The following WDPCP variants were observed in gnomAD, a reference collection of about 807,000 sequenced individuals.
WDPCP encodes the protein WD repeat containing planar cell polarity effector, also known as WD repeat-containing and planar cell polarity effector protein fritz homolog.
A neutral mutation model predicts 93.1 loss-of-function variants in WDPCP; 71 were observed. The observed-to-expected ratio is 0.76, with a 90% CI of 0.63 to 0.93. The LOEUF (loss-of-function observed/expected upper bound fraction) is 0.93. WDPCP is among the 40% of genes least tolerant of loss of function. The pLI is 0.00. For synonymous variants in WDPCP, 315 were observed against 315.0 expected (o/e 1.00, Z 0.00); for missense variants, 844 against 887.4 (o/e 0.95, Z 0.62).
chr2:63,162,039 G>C (rs1052644123), intron 15 of WDPCP, among the ~76,000 whole-genome samples: 1 of 152,084 alleles, frequency 6.6e-6, no homozygotes, highest in Non-Finnish European at 1.5e-5. Flanking sequence ...CAAAATGCTG[G>C]GATTACTGGC....
intron 3 of WDPCP, chr2:63,622,916 G>T: frequency 8.7e-7 from 1 of 1,155,446 alleles, no homozygotes; most frequent in Non-Finnish European, 1.2e-6. Flanking sequence ...CCAGGCCGGG[G>T]CTCGGCGCAC....
At chr2:63,714,364 G>T (rs1313605896) in intron 2 of WDPCP, among the ~76,000 whole-genome samples, 2 of 151,968 alleles carry the variant, frequency 1.3e-5, no homozygotes, top group Non-Finnish European at 2.9e-5. Context: ...CACCGCGCCT[G>T]GCCTTCCTTT....
At chr2:63,633,279 A>G (rs922516167) in intron 3 of WDPCP, among the ~76,000 whole-genome samples, 4 of 152,222 alleles carry the variant, frequency 2.6e-5, no homozygotes, top group African/African-American at 9.6e-5. Context: ...AAAACATAAG[A>G]AAGTATGAAA....
At chr2:63,327,605 T>C (rs4671484) in intron 12 of WDPCP, among the ~76,000 whole-genome samples, 121,826 of 152,102 alleles carry the variant, frequency 0.8, 49,660 homozygotes, top group East Asian at 0.96. Flanking sequence ...GTTGCTTTTA[T>C]ACTAACCAGT....
Position 63,549,435 on chromosome 2 carries a change from GA to G in WDPCP, c.75+38761del, listed in dbSNP as rs202082514. Among the ~76,000 whole-genome samples, 7 of 151,276 alleles carry G rather than the reference GA, an allele frequency of 4.6e-5. No homozygotes were observed. In the East Asian group the frequency reaches 5.8e-4, roughly 13 times the overall value. On this transcript the variant is annotated intron_variant, in intron 1 of 17. Coordinates refer to ENST00000272321, the MANE Select transcript of WDPCP (RefSeq NM_015910.7). Reference sequence around the variant, plus strand: ...CTGTTTTATACTGTAATGGAAACTAGAAAAAAAAATTACCAAGTCATTAGCA... The same window carrying G: ...CTGTTTTATACTGTAATGGAAACTAGAAAAAAAATTACCAAGTCATTAGCA...
intron 1 of WDPCP, among the ~76,000 whole-genome samples, chr2:63,545,216 T>C (rs1705053273): frequency 6.6e-6 from 1 of 151,988 alleles, no homozygotes; most frequent in Non-Finnish European, 1.5e-5. Context: ...ACCTCCAGTG[T>C]TGAAAGCCAG....
chr2:63,461,566 T>G (rs1008872703), intron 6 of WDPCP, among the ~76,000 whole-genome samples: 1 of 152,160 alleles, frequency 6.6e-6, no homozygotes, highest in Non-Finnish European at 1.5e-5. Context: ...TTTATAGCAA[T>G]GCAAGAACGG....
At chr2:63,795,499 CAA>C (rs201653047) in intron 2 of WDPCP, among the ~76,000 whole-genome samples, 2 of 82,436 alleles carry the variant, frequency 2.4e-5, no homozygotes. Flanking sequence ...GACCCTGTCT[CAA>C]AAAAAAAAAG....
chr2:63,664,852 G>A (rs1365237206), intron 2 of WDPCP, among the ~76,000 whole-genome samples: 1 of 152,186 alleles, frequency 6.6e-6, no homozygotes, highest in Admixed American at 6.5e-5. Flanking sequence ...TGGTTTGCAT[G>A]TAGGGAAACT....
chr2:63,299,204 C>A (rs1382773866), intron 13 of WDPCP, among the ~76,000 whole-genome samples: 1 of 152,220 alleles, frequency 6.6e-6, no homozygotes, highest in East Asian at 1.9e-4. Context: ...GACAGCCCAG[C>A]TGTCAGTGCA....
intron 3 of WDPCP, among the ~76,000 whole-genome samples, chr2:63,637,284 G>A (rs753207102): frequency 6.6e-6 from 1 of 151,806 alleles, no homozygotes; most frequent in African/African-American, 2.4e-5. Flanking sequence ...CCTGGGAGAT[G>A]GGGGTTGCAG....
chr2:63,122,068 C>T lies in WDPCP; in HGVS notation c.2191-12G>A. 1 of 1,587,392 alleles carries T rather than the reference C, an allele frequency of 6.3e-7. No homozygotes were observed. Among genetic ancestry groups the T allele is most frequent in the Non-Finnish European group, 8.6e-7 (1 of 1,156,426 alleles). On this transcript the variant is annotated splice_polypyrimidine_tract_variant and intron_variant, in intron 17 of 17. Coordinates refer to ENST00000272321, the MANE Select transcript of WDPCP (RefSeq NM_015910.7). Reference sequence around the variant, plus strand: ...CCATCTCTGATTTCCTGCAAATAAACAAATAAAAATAATGTTTAAGCAGAG... The same window carrying T: ...CCATCTCTGATTTCCTGCAAATAAATAAATAAAAATAATGTTTAAGCAGAG...
At chr2:63,714,081 G>A (rs1343454281) in intron 2 of WDPCP, among the ~76,000 whole-genome samples, 19 of 146,888 alleles carry the variant, frequency 1.3e-4, no homozygotes, top group Admixed American at 1.3e-3. Flanking sequence ...TTGAGACGGA[G>A]TTTCATTCTT....
chr2:63,311,956 T>C (rs1487300361), intron 13 of WDPCP, among the ~76,000 whole-genome samples: 1 of 152,094 alleles, frequency 6.6e-6, no homozygotes, highest in East Asian at 1.9e-4. Context: ...TCTACCATTA[T>C]TGGGGTAAGT....
At chr2:63,293,440 G>A (rs995520036) in intron 13 of WDPCP, among the ~76,000 whole-genome samples, 7 of 152,016 alleles carry the variant, frequency 4.6e-5, no homozygotes, top group African/African-American at 1.7e-4. Context: ...CAGTTACCAT[G>A]TTATTAGATT....
At chr2:63,712,360 C>T (rs891900635) in intron 2 of WDPCP, among the ~76,000 whole-genome samples, 15 of 152,116 alleles carry the variant, frequency 9.9e-5, no homozygotes, top group African/African-American at 3.4e-4. Flanking sequence ...TTAAAAGTAG[C>T]AATATATTCA....
intron 15 of WDPCP, among the ~76,000 whole-genome samples, chr2:63,171,880 T>C (rs1208221115): frequency 6.6e-6 from 1 of 152,182 alleles, no homozygotes; most frequent in Non-Finnish European, 1.5e-5. Flanking sequence ...AACTACACAT[T>C]ACATGAGCCT....
intron 9 of WDPCP, among the ~76,000 whole-genome samples, chr2:63,426,900 A>G (rs926796284): frequency 3.3e-5 from 5 of 152,164 alleles, no homozygotes; most frequent in South Asian, 4.1e-4. Flanking sequence ...AGAAAGATCT[A>G]TCATGCAAAC....
intron 14 of WDPCP, among the ~76,000 whole-genome samples, chr2:63,178,015 T>C (rs1673949285): frequency 6.6e-6 from 1 of 152,194 alleles, no homozygotes; most frequent in East Asian, 1.9e-4. Context: ...ATTCTGTTAA[T>C]GTGATTAGAA....
Sources: allele counts gnomAD v4.1 joint callset (sites outside exome capture counted in the v4.1 genomes callset), GRCh38; gene constraint gnomAD v4.1.1; transcripts MANE v1.5; gene names NCBI Gene and HGNC (gene_info 2026-07-23, HGNC 2026-07-21).